FAM13A: variants seen among roughly 807,000 people sequenced by gnomAD.
FAM13A encodes family with sequence similarity 13 member A.
FAM13A carries 76 observed loss-of-function variants against 129.6 expected under a neutral mutation model. That is an observed-to-expected ratio of 0.59 (90% confidence interval 0.49 to 0.71). FAM13A has a LOEUF of 0.71. FAM13A is among the 30% of genes least tolerant of loss of function. The pLI is 0.00. For synonymous variants in FAM13A, 443 were observed against 449.9 expected (o/e 0.98, Z 0.20); for missense variants, 1,108 against 1,249.3 (o/e 0.89, Z 1.70).
chr4:88,996,236 G>A (rs1763521366), intron 3 of FAM13A, among the ~76,000 whole-genome samples: 1 of 152,148 alleles, frequency 6.6e-6, no homozygotes, highest in Non-Finnish European at 1.5e-5. Context: ...GTTTTGTTTT[G>A]TTTACTGTGT....
At chr4:88,833,121 A>C (rs1464860294) in intron 7 of FAM13A, among the ~76,000 whole-genome samples, 1 of 152,188 alleles carries the variant, frequency 6.6e-6, no homozygotes, top group Non-Finnish European at 1.5e-5. Context: ...TAGAAAACTA[A>C]TGCAGAAACA....
chr4:88,885,423 A>C (rs1248563933), intron 6 of FAM13A, among the ~76,000 whole-genome samples: 1 of 152,224 alleles, frequency 6.6e-6, no homozygotes, highest in East Asian at 1.9e-4. Flanking sequence ...CACCCTACTC[A>C]ACAAATAGTG....
intron 3 of FAM13A, among the ~76,000 whole-genome samples, chr4:89,001,808 G>GC (rs1764287989): frequency 6.6e-6 from 1 of 152,130 alleles, no homozygotes. Flanking sequence ...GAAAGAGAAA[G>GC]CCCTAAGGCT....
chr4:88,966,957 T>C (rs1028248512), intron 4 of FAM13A, among the ~76,000 whole-genome samples: 2 of 152,206 alleles, frequency 1.3e-5, no homozygotes, highest in African/African-American at 4.8e-5. Flanking sequence ...AATTATAGTA[T>C]AGATGTAAAG....
chr4:88,939,822 G>C (rs1333101811), intron 4 of FAM13A, among the ~76,000 whole-genome samples: 1 of 152,208 alleles, frequency 6.6e-6, no homozygotes, highest in Non-Finnish European at 1.5e-5. Flanking sequence ...CTTCAGTGGG[G>C]CTACAGCCAT....
intron 6 of FAM13A, among the ~76,000 whole-genome samples, chr4:88,856,261 C>T (rs1239891402): frequency 1.3e-5 from 2 of 151,884 alleles, no homozygotes; most frequent in Admixed American, 6.6e-5. Context: ...GGGGGGATTG[C>T]TTGAGACCAG....
chr4:88,922,714 A>C (rs1579294701), intron 5 of FAM13A, among the ~76,000 whole-genome samples: 1 of 152,236 alleles, frequency 6.6e-6, no homozygotes, highest in African/African-American at 2.4e-5. Context: ...AGTAGAACTG[A>C]AGGAAATAGA....
chr4:88,897,239 C>T (rs1299162658), intron 6 of FAM13A, among the ~76,000 whole-genome samples: 1 of 152,128 alleles, frequency 6.6e-6, no homozygotes, highest in Non-Finnish European at 1.5e-5. Flanking sequence ...CTGTGTCATC[C>T]ACTCCAATTA....
At chr4:89,002,176 CAAA>C (rs11370599) in intron 3 of FAM13A, among the ~76,000 whole-genome samples, 8 of 115,660 alleles carry the variant, frequency 6.9e-5, no homozygotes, top group Admixed American at 1.9e-4. Flanking sequence ...CACCCAACGG[CAAA>C]AAAAAAAAAA....
chr4:88,992,783 AT>A (rs1350761873), intron 3 of FAM13A, among the ~76,000 whole-genome samples: 1 of 152,216 alleles, frequency 6.6e-6, no homozygotes, highest in African/African-American at 2.4e-5. Flanking sequence ...AAATAAAAAT[AT>A]TTTATAACAA....
At chr4:88,802,497 G>A (rs1188513489) in intron 8 of FAM13A, among the ~76,000 whole-genome samples, 1 of 152,172 alleles carries the variant, frequency 6.6e-6, no homozygotes, top group Non-Finnish European at 1.5e-5. Flanking sequence ...ATATGAGTGT[G>A]TGTCTATTTA....
At chr4:88,822,997 C>T in intron 7 of FAM13A, 1 of 1,613,524 alleles carries the variant, frequency 6.2e-7, no homozygotes, top group Non-Finnish European at 8.5e-7. Flanking sequence ...CATGATTTCA[C>T]AAGCCATTCT....
intron 7 of FAM13A, among the ~76,000 whole-genome samples, chr4:88,811,777 T>G (rs1182196744): frequency 6.6e-6 from 1 of 152,192 alleles, no homozygotes; most frequent in Non-Finnish European, 1.5e-5. Flanking sequence ...TGTTATAGTA[T>G]TTACATTGTG....
At chr4:88,746,182 A>T (rs1296712827) in intron 19 of FAM13A, among the ~76,000 whole-genome samples, 1 of 152,194 alleles carries the variant, frequency 6.6e-6, no homozygotes, top group Non-Finnish European at 1.5e-5. Flanking sequence ...GCTTCCTTAT[A>T]CCTGCTTTTA....
At chr4:88,762,307 C>T (rs1437080147) in intron 13 of FAM13A, among the ~76,000 whole-genome samples, 2 of 152,214 alleles carry the variant, frequency 1.3e-5, no homozygotes, top group Admixed American at 1.3e-4. Context: ...CCTGTGTCAA[C>T]TTACATGAGC....
At chr4:88,848,233 T>C (rs1737002376) in intron 7 of FAM13A, among the ~76,000 whole-genome samples, 3 of 152,168 alleles carry the variant, frequency 2.0e-5, no homozygotes, top group African/African-American at 2.4e-5. Context: ...CCTAGCACTG[T>C]TTGTTCACAT....
chr4:88,805,107 A>G (rs1728304747), intron 7 of FAM13A, 55 bp from the exon 8 acceptor site: 2 of 928,890 alleles, frequency 2.2e-6, no homozygotes, highest in Admixed American at 2.2e-5. Flanking sequence ...TGACATGTCA[A>G]TTTTACTAAA....
At chr4:89,017,231 T>C (rs1766620914) in intron 3 of FAM13A, among the ~76,000 whole-genome samples, 2 of 152,152 alleles carry the variant, frequency 1.3e-5, no homozygotes. Context: ...TAACCAGAGA[T>C]TTTAAGGGAA....
rs1736474367 is a variant in FAM13A, at chr4:88,726,370, A to ACTT, written c.*2160_*2162dup. On this transcript the variant is annotated 3_prime_UTR_variant, in exon 24 of 24. Transcript: ENST00000264344. Reference sequence around the variant, plus strand: ...TCTCATACACAATTTATTTTATATAACTTACTTGGTGTTTTCTTTTATTGA... The same window carrying ACTT: ...TCTCATACACAATTTATTTTATATAACTTCTTACTTGGTGTTTTCTTTTATTGA... 1 of 105,330 alleles carries ACTT rather than the reference A, an allele frequency of 9.5e-6. No homozygotes were observed. Among genetic ancestry groups the ACTT allele is most frequent in the African/African-American group, 5.9e-5 (1 of 17,026 alleles). 6.5% of individuals were successfully genotyped at this position (105,330 alleles called of 1,614,324 possible).
Sources: gnomAD v4.1 joint callset for allele counts (sites outside exome capture counted in the v4.1 genomes callset) on GRCh38, gnomAD v4.1.1 for gene constraint, MANE v1.5 for transcripts, NCBI Gene and HGNC (gene_info 2026-07-23, HGNC 2026-07-21) for gene names.